RNF180: variants seen among roughly 807,000 people sequenced by gnomAD.
RNF180 encodes E3 ubiquitin-protein ligase RNF180.
Under a neutral mutation model 59.2 loss-of-function variants are expected in RNF180, and 38 were observed. That is an observed-to-expected ratio of 0.64 (90% CI 0.50 to 0.84). The LOEUF is 0.84. Ranked by LOEUF, RNF180 falls within the 40% of genes least tolerant of loss-of-function variation. The pLI is 0.00. For missense variants in RNF180, 705 were observed against 700.9 expected (o/e 1.01, Z -0.07); for synonymous variants, 262 against 240.3 (o/e 1.09, Z -0.84).
At chr5:64,312,473 A>G (rs1221988517) in intron 5 of RNF180, among the ~76,000 whole-genome samples, 1 of 152,138 alleles carries the variant, frequency 6.6e-6, no homozygotes, top group Non-Finnish European at 1.5e-5. Flanking sequence ...TGAATTAGGA[A>G]GTAGCAATGA....
Position 64,347,866 on chromosome 5 carries a change from G to A in RNF180, c.1579+17460G>A, listed in dbSNP as rs569849299. Among the ~76,000 whole-genome samples the A allele has an allele frequency of 2.0e-5, 3 of 152,204 alleles. No individual in the cohort carries two copies. In the East Asian group the frequency reaches 5.8e-4, roughly 29 times the overall value. On this transcript the variant is annotated intron_variant, in intron 7 of 7. Coordinates refer to ENST00000389100, the MANE Select transcript of RNF180 (RefSeq NM_001113561.2). ...TGTTGCAGAAAAACTTCATAACTAT[G>A]CTGGCAATGAAGTGGTTTTTGTTGG...
intron 7 of RNF180, among the ~76,000 whole-genome samples, chr5:64,331,009 C>T (rs1389962994): frequency 6.6e-6 from 1 of 152,208 alleles, no homozygotes; most frequent in Non-Finnish European, 1.5e-5. Flanking sequence ...GCTCCTGGCA[C>T]CCACTCCAAT....
At chr5:64,182,765 A>G (rs547758983) in intron 1 of RNF180, among the ~76,000 whole-genome samples, 1 of 152,326 alleles carries the variant, frequency 6.6e-6, no homozygotes, top group African/African-American at 2.4e-5. Flanking sequence ...AAAGTACACA[A>G]AAGCAAAGAA....
chr5:64,194,669 GT>G (rs1458119427), intron 1 of RNF180, among the ~76,000 whole-genome samples: 1 of 152,118 alleles, frequency 6.6e-6, no homozygotes, highest in Non-Finnish European at 1.5e-5. Context: ...AGCACCTATT[GT>G]TTCCTGACTT....
At chr5:64,211,942 G>A (rs1049065017) in intron 2 of RNF180, 123 bp from the exon 3 acceptor site, 2 of 525,188 alleles carry the variant, frequency 3.8e-6, no homozygotes, top group African/African-American at 3.9e-5. Flanking sequence ...AGGAAGGGAA[G>A]GCAGTGTATA....
chr5:64,279,329 G>A (rs1490731778), intron 5 of RNF180, among the ~76,000 whole-genome samples: 5 of 152,106 alleles, frequency 3.3e-5, no homozygotes, highest in Admixed American at 6.6e-5. Context: ...TTTAATAGTG[G>A]GTACTGGGAA....
At chr5:64,321,880 G>A (rs1411760049) in intron 5 of RNF180, among the ~76,000 whole-genome samples, 15 of 152,084 alleles carry the variant, frequency 9.9e-5, no homozygotes, top group Admixed American at 5.2e-4. Context: ...TCTGATCTTC[G>A]ACAAACCTGA....
chr5:64,291,321 G>C (rs568016465), intron 5 of RNF180, among the ~76,000 whole-genome samples: 4 of 151,680 alleles, frequency 2.6e-5, no homozygotes, highest in Non-Finnish European at 5.9e-5. Flanking sequence ...ATCTTATCAA[G>C]GAGTGTTTTA....
chr5:64,331,241 A>G lies in RNF180; in HGVS notation c.1579+835A>G, dbSNP rs187509501. 1.5e-3 allele frequency among the ~76,000 whole-genome samples: 222 copies of G among 152,304 alleles called. 1 individual carries two copies. The highest frequency in any genetic ancestry group is 5.1e-3 in the African/African-American group (211 of 41,576). ...AGCTTGGGCACTGTGGGCACCGTGG[A>G]TGGCAGGTTGATGGTGGCAGGAGGC... is the stretch of plus-strand genomic sequence containing the variant. On this transcript the variant is annotated intron_variant, in intron 7 of 7. Coordinates refer to ENST00000389100, the MANE Select transcript of RNF180 (RefSeq NM_001113561.2).
chr5:64,178,720 G>A (rs1371139968), intron 1 of RNF180, among the ~76,000 whole-genome samples: 1 of 151,726 alleles, frequency 6.6e-6, no homozygotes. Flanking sequence ...TTTTTCTATT[G>A]CTTGTACAGT....
chr5:64,361,227 T>A (rs933920514), intron 7 of RNF180, among the ~76,000 whole-genome samples: 1 of 151,378 alleles, frequency 6.6e-6, no homozygotes. Context: ...TGGATTAAAA[T>A]GCCATATAAA....
chr5:64,243,862 G>A (rs548901468), intron 5 of RNF180, among the ~76,000 whole-genome samples: 54 of 152,272 alleles, frequency 3.5e-4, no homozygotes, highest in Non-Finnish European at 6.5e-4. Flanking sequence ...TCTGGTGGGT[G>A]CCCCTCTGGG....
chr5:64,368,682 T>A (rs187388322), intron 7 of RNF180, among the ~76,000 whole-genome samples: 1 of 152,056 alleles, frequency 6.6e-6, no homozygotes, highest in African/African-American at 2.4e-5. Context: ...AAGAAGACAT[T>A]TATGCAGCCA....
intron 7 of RNF180, among the ~76,000 whole-genome samples, chr5:64,357,100 G>T (rs1746059256): frequency 6.6e-6 from 1 of 151,670 alleles, no homozygotes; most frequent in Admixed American, 6.6e-5. Context: ...AAACTATATT[G>T]AAATTTAAGC....
At chr5:64,253,775 T>C (rs1743742534) in intron 5 of RNF180, among the ~76,000 whole-genome samples, 1 of 152,160 alleles carries the variant, frequency 6.6e-6, no homozygotes, top group Non-Finnish European at 1.5e-5. Flanking sequence ...TCCTTCATTA[T>C]AACCCCAAGG....
At chr5:64,224,066 T>TGG (rs1273625016) in intron 5 of RNF180, among the ~76,000 whole-genome samples, 1 of 135,612 alleles carries the variant, frequency 7.4e-6, no homozygotes, top group Non-Finnish European at 1.6e-5. Flanking sequence ...GGTTGGGGTG[T>TGG]GTGTGTGTGT....
intron 5 of RNF180, among the ~76,000 whole-genome samples, chr5:64,226,459 G>A (rs1741764672): frequency 6.6e-6 from 1 of 152,116 alleles, no homozygotes; most frequent in South Asian, 2.1e-4. Flanking sequence ...GATGCTTGAA[G>A]GCAGCATGCT....
chr5:64,254,107 T>G (rs1056072227), intron 5 of RNF180, among the ~76,000 whole-genome samples: 2 of 152,168 alleles, frequency 1.3e-5, no homozygotes, highest in African/African-American at 2.4e-5. Context: ...ACAGAAATTA[T>G]TTAAAAATTC....
intron 7 of RNF180, among the ~76,000 whole-genome samples, chr5:64,333,774 CTT>C (rs1745012410): frequency 6.6e-6 from 1 of 152,076 alleles, no homozygotes; most frequent in Non-Finnish European, 1.5e-5. Flanking sequence ...TTCCAAATAA[CTT>C]AATTTTTTAA....
Sources: gnomAD v4.1 joint callset for allele counts (sites outside exome capture counted in the v4.1 genomes callset) on GRCh38, gnomAD v4.1.1 for gene constraint, MANE v1.5 for transcripts, NCBI Gene and HGNC (gene_info 2026-07-23, HGNC 2026-07-21) for gene names.